Variants in SRRM5 observed in about 807,000 individuals in gnomAD.
The protein encoded by SRRM5 is serine/arginine repetitive matrix protein 5.
A neutral mutation model predicts 1.3 loss-of-function variants in SRRM5; 1 was observed. The ratio of observed to expected loss-of-function variants is 0.76; its 90% CI spans 0.27 to 3.59. The LOEUF (loss-of-function observed/expected upper bound fraction) is 3.59, where lower values mean the gene tolerates loss of function less well. SRRM5 is among the 30% of genes most tolerant of loss of function. The pLI, the probability that SRRM5 is intolerant of heterozygous loss-of-function variation, is 0.19. For missense variants in SRRM5, 875 were observed against 914.5 expected (o/e 0.96, Z 0.56); for synonymous variants, 275 against 320.2 (o/e 0.86, Z 1.51).
Position 43,613,530 on chromosome 19 carries a change from C to T in SRRM5, c.1409C>T (p.Ala470Val), listed in dbSNP as rs138622320. 1,903 of 1,548,900 alleles carry T rather than the reference C, an allele frequency of 1.2e-3. 20 individuals carry two copies. In the East Asian group the frequency reaches 0.024, roughly 19 times the overall value. Residue 470 changes from alanine (A) to valine (V), a missense_variant, in exon 1 of 1, where the codon GCG (alanine) becomes GTG (valine). Coordinates refer to ENST00000417606, the MANE Select transcript of SRRM5 (RefSeq NM_001145641.2). Reference protein sequence around the residue: ...DHSRSRSPNKARDRSRSRSPS... With the variant: ...DHSRSRSPNKVRDRSRSRSPS... ...AGCCGATCTAGAAGTCCCAACAAGG[C>T]GAGAGATCGCAGCCGATCTAGAAGC...
At position 43,614,094 on chromosome 19, in the gene SRRM5, G is replaced by C; in HGVS notation, c.1973G>C (p.Arg658Thr). 1 of 1,574,650 alleles carries C rather than the reference G, an allele frequency of 6.4e-7. No individual in the cohort carries two copies. Among genetic ancestry groups the C allele is most frequent in the Non-Finnish European group, 8.6e-7 (1 of 1,160,198 alleles). ...CCCGACTGGAAGAGATCCCCTACTA[G>C]GACAAGCAGTCTCAGTCAGAATAGA... ...RSPDWKRSPT[R>T]TSSLSQNRTP... Residue 658 changes from arginine (R) to threonine (T), a missense_variant, in exon 1 of 1, where the codon AGG (arginine) becomes ACG (threonine). By Grantham distance (71) the Arg-to-Thr change is moderately conservative. Transcript: ENST00000417606.
Position 43,613,501 on chromosome 19 carries a change from T to TCG in SRRM5, c.1381_1382insGC (p.His461ArgfsTer227). 1.3e-6 allele frequency: 2 copies of TCG among 1,545,742 alleles called. No individual in the cohort carries two copies. The highest frequency in any genetic ancestry group is 1.7e-6 in the Non-Finnish European group (2 of 1,146,532). The stretch of plus-strand genomic sequence containing the variant: ...CTAGAAGTCCCAACAAGGCAAGAGA[T>TCG]CATAGCCGATCTAGAAGTCCCAACA... On this transcript the variant is annotated frameshift_variant, in exon 3 of 3. Transcript: ENST00000607544. LOFTEE classifies it low-confidence loss of function (END_TRUNC).
rs1973339600 is a variant in SRRM5 at position 43,613,813 on chromosome 19, CAA to C, written c.1694_1695del (p.Lys565ArgfsTer20). ...AGCACAGACAATCCAGAAGCCCCAG[CAA>C]AGAGAGAGATCGCAGACGATGGAGA... On this transcript the variant is annotated frameshift_variant, in exon 3 of 3. Transcript: ENST00000607544. LOFTEE classifies it low-confidence loss of function (END_TRUNC). 6.5e-7 allele frequency: 1 copy of C among 1,549,274 alleles called. No homozygotes were observed. The highest frequency in any genetic ancestry group is 1.2e-5 in the South Asian group (1 of 83,970).
chr19:43,612,662 A>G lies in SRRM5; in HGVS notation c.541A>G (p.Arg181Gly), dbSNP rs1164655127. 1 of 1,551,342 alleles carries G rather than the reference A, an allele frequency of 6.4e-7. No individual in the cohort carries two copies. Among genetic ancestry groups the G allele is most frequent in the Non-Finnish European group, 8.7e-7 (1 of 1,146,978 alleles). Residue 181 changes from arginine (R) to glycine (G), a missense_variant, in exon 1 of 1, where the codon AGG becomes GGG. Coordinates refer to ENST00000417606, the MANE Select transcript of SRRM5 (RefSeq NM_001145641.2). The surrounding 1 kb of genome is among the most constrained non-coding windows in gnomAD (Gnocchi z 4.2). Reference sequence around the variant, plus strand: ...TTACGGCCGGCCTAGAACCAGCAACAGGGAAAGGAGTGACAGCCAGCCTAG... The same window carrying G: ...TTACGGCCGGCCTAGAACCAGCAACGGGGAAAGGAGTGACAGCCAGCCTAG... ...KSYGRPRTSNRERSDSQPRNL... is the reference protein window; with the variant it reads ...KSYGRPRTSNGERSDSQPRNL...
In SRRM5 at chr19:43,612,789, C is replaced by CCCCAGTACAGCCAAG; in HGVS notation, c.668_669insCCCAGTACAGCCAAG (p.Thr223_Gly224insProValGlnProSer). ...AGTACAGCCAAGTGTCAAACCCCGACTGGAATTCCCTCCAAGGAGAAGAGT... is the reference window on the plus strand; with the variant it reads ...AGTACAGCCAAGTGTCAAACCCCGACCCCAGTACAGCCAAGTGGAATTCCCTCCAAGGAGAAGAGT... On this transcript the variant is annotated inframe_insertion, in exon 1 of 1. Coordinates refer to ENST00000417606, the MANE Select transcript of SRRM5 (RefSeq NM_001145641.2). The surrounding 1 kb of genome is among the most constrained non-coding windows in gnomAD (Gnocchi z 4.2). The CCCCAGTACAGCCAAG allele has an allele frequency of 7.1e-6, 11 of 1,551,640 alleles. No individual in the cohort carries two copies. The highest frequency in any genetic ancestry group is 9.6e-6 in the Non-Finnish European group (11 of 1,146,984).
chr19:43,613,763 T>A lies in SRRM5; in HGVS notation c.1642T>A (p.Ser548Thr). Residue 548 changes from serine (S) to threonine (T), a missense_variant, in exon 1 of 1, where the codon TCT (serine) becomes ACT (threonine). Coordinates refer to ENST00000417606, the MANE Select transcript of SRRM5 (RefSeq NM_001145641.2). ...CAACAAGGAGAGAGATCGCAGCCAA[T>A]CTAGAAGCCCCAGCGAGGAGAGAGA... ...SPNKERDRSQ[S>T]RSPSEEREHR... The A allele has an allele frequency of 6.4e-7, 1 of 1,551,152 alleles. No individual in the cohort carries two copies. The highest frequency in any genetic ancestry group is 8.7e-7 in the Non-Finnish European group (1 of 1,146,848).
Position 43,613,260 on chromosome 19 carries a change from C to T in SRRM5, c.1139C>T (p.Ser380Phe). Residue 380 changes from serine (S) to phenylalanine (F), a missense_variant, in exon 1 of 1, where the codon TCT becomes TTT. Ser to Phe is a radical substitution (Grantham distance 155). Coordinates refer to ENST00000417606, the MANE Select transcript of SRRM5 (RefSeq NM_001145641.2). ...SSSKERDHRGSSSPRKESGRS... is the reference protein window; with the variant it reads ...SSSKERDHRGFSSPRKESGRS... ...AGCAAAGAGAGAGATCACAGGGGAT[C>T]TAGCAGCCCCAGGAAGGAGAGTGGT... 1 of 1,551,596 alleles carries T rather than the reference C, an allele frequency of 6.4e-7. No individual in the cohort carries two copies. Among genetic ancestry groups the T allele is most frequent in the African/African-American group, 1.4e-5 (1 of 73,130 alleles).
At position 43,613,091 on chromosome 19, in the gene SRRM5, A is replaced by T. The variant is rs1190908027; in HGVS notation, c.970A>T (p.Ser324Cys). 6.4e-6 allele frequency: 10 copies of T among 1,551,474 alleles called. No individual in the cohort carries two copies. The African/African-American group carries it at 1.4e-4, about 21-fold the overall frequency. Residue 324 changes from serine (S) to cysteine (C), a missense_variant, in exon 1 of 1, where the codon AGC (serine) becomes TGC (cysteine). Coordinates refer to ENST00000417606, the MANE Select transcript of SRRM5 (RefSeq NM_001145641.2). ...ARSRTRKGIL[S>C]QMGRHSQSRS... ...AAGTCGCACCCGGAAGGGAATTCTG[A>T]GCCAGATGGGAAGACACAGCCAGTC...
Position 43,613,350 on chromosome 19 carries a change from C to T in SRRM5, c.1229C>T (p.Ala410Val), listed in dbSNP as rs988264710. The change falls in exon 1 of 1, where the codon GCG (alanine) becomes GTG (valine). Residue 410 changes from alanine (A) to valine (V), a missense_variant. Coordinates refer to ENST00000417606, the MANE Select transcript of SRRM5 (RefSeq NM_001145641.2). ...AGCCGATCTAGAAGTCCCAACAAGG[C>T]GAGAGATCGCAGCCGATCTAGAAGT... Reference protein sequence around the residue: ...DHSRSRSPNKARDRSRSRSPY... With the variant: ...DHSRSRSPNKVRDRSRSRSPY... 13 of 1,548,074 alleles carry T rather than the reference C, an allele frequency of 8.4e-6. No homozygotes were observed. The highest frequency in any genetic ancestry group is 1.1e-5 in the Non-Finnish European group (13 of 1,146,094).
In SRRM5 at chr19:43,614,283, C is replaced by A; in HGVS notation, c.*14C>A. On this transcript the variant is annotated 3_prime_UTR_variant, in exon 1 of 1. Transcript: ENST00000417606. ...AAGCTGGCGTAGCCCCCAGTCTCAG[C>A]TGGCTCACGGGTCTCTGTCATGACC... 6.2e-7 allele frequency: 1 copy of A among 1,611,690 alleles called. No individual in the cohort carries two copies. Among genetic ancestry groups the A allele is most frequent in the Non-Finnish European group, 8.5e-7 (1 of 1,178,582 alleles).
Position 43,612,651 on chromosome 19 carries a change from G to C in SRRM5, c.530G>C (p.Arg177Thr). Residue 177 changes from arginine (R) to threonine (T), a missense_variant, in exon 1 of 1, where the codon AGA becomes ACA. Arg to Thr is a moderately conservative substitution (Grantham distance 71). Coordinates refer to ENST00000417606, the MANE Select transcript of SRRM5 (RefSeq NM_001145641.2). This position sits in a 1 kb window ranked among gnomAD's most constrained non-coding sequence, Gnocchi z 4.2. ...GSRGKSYGRP[R>T]TSNRERSDSQ... ...CGGGGAAAGAGTTACGGCCGGCCTA[G>C]AACCAGCAACAGGGAAAGGAGTGAC... The C allele has an allele frequency of 1.3e-6, 2 of 1,551,450 alleles. No individual in the cohort carries two copies. The highest frequency in any genetic ancestry group is 1.7e-6 in the Non-Finnish European group (2 of 1,146,966).
At position 43,614,434 on chromosome 19, in the gene SRRM5, G is replaced by A; in HGVS notation, c.*165G>A. The A allele has an allele frequency of 6.9e-7, 1 of 1,451,072 alleles. No homozygotes were observed. The highest frequency in any genetic ancestry group is 1.5e-5 in the South Asian group (1 of 68,296). 89.9% of individuals were successfully genotyped at this position (1,451,072 alleles called of 1,614,324 possible). On this transcript the variant is annotated 3_prime_UTR_variant, in exon 1 of 1. Transcript: ENST00000417606. ...AGGATGTTGGCAGGTAGAGAGGGAT[G>A]CTGGATAGGGGGAAAGGAAAGACCT...
rs1313035380 is a variant in SRRM5, at chr19:43,613,319, G to A, written c.1198G>A (p.Asp400Asn). ...SQSGSPNKQR[D>N]HSRSRSPNKA... ...ATCAGGAAGCCCCAACAAGCAGAGA[G>A]ATCACAGCCGATCTAGAAGTCCCAA... The change falls in exon 1 of 1, where the codon GAT (aspartate) becomes AAT (asparagine). Residue 400 changes from aspartate to asparagine, a missense_variant. Transcript: ENST00000417606. 7 of 1,551,392 alleles carry A rather than the reference G, an allele frequency of 4.5e-6. No individual in the cohort carries two copies. Among genetic ancestry groups the A allele is most frequent in the Non-Finnish European group, 6.1e-6 (7 of 1,146,978 alleles).
chr19:43,613,813 C>G lies in SRRM5; in HGVS notation c.1692C>G (p.Ser564Arg). 1 of 1,549,274 alleles carries G rather than the reference C, an allele frequency of 6.5e-7. No homozygotes were observed. Among genetic ancestry groups the G allele is most frequent in the Non-Finnish European group, 8.7e-7 (1 of 1,145,188 alleles). Residue 564 changes from serine to arginine, a missense_variant, in exon 1 of 1, where the codon AGC becomes AGG. Ser to Arg is a moderately radical substitution (Grantham distance 110, BLOSUM62 -1). Transcript: ENST00000417606. ...EREHRQSRSP[S>R]KERDRRRWRS... ...AGCACAGACAATCCAGAAGCCCCAGCAAAGAGAGAGATCGCAGACGATGGA... is the reference window on the plus strand; with the variant it reads ...AGCACAGACAATCCAGAAGCCCCAGGAAAGAGAGAGATCGCAGACGATGGA...
Position 43,613,324 on chromosome 19 carries a change from C to A in SRRM5, c.1203C>A (p.His401Gln), listed in dbSNP as rs1973325572. ...QSGSPNKQRD[H>Q]SRSRSPNKAR... ...GAAGCCCCAACAAGCAGAGAGATCACAGCCGATCTAGAAGTCCCAACAAGG... is the reference window on the plus strand; with the variant it reads ...GAAGCCCCAACAAGCAGAGAGATCAAAGCCGATCTAGAAGTCCCAACAAGG... Residue 401 changes from histidine (H) to glutamine (Q), a missense_variant, in exon 1 of 1, where the codon CAC (histidine) becomes CAA (glutamine). Transcript: ENST00000417606. The A allele has an allele frequency of 1.3e-6, 2 of 1,551,210 alleles. No individual in the cohort carries two copies. Among genetic ancestry groups the A allele is most frequent in the Non-Finnish European group, 8.7e-7 (1 of 1,146,908 alleles).
rs1033262149 is a variant in SRRM5, at chr19:43,613,422, C to T, written c.1301C>T (p.Ala434Val). The change falls in exon 1 of 1, where the codon GCG (alanine) becomes GTG (valine). Residue 434 changes from alanine to valine, a missense_variant. By Grantham distance (64) the Ala-to-Val change is moderately conservative (BLOSUM62 0). Transcript: ENST00000417606. ...AGCCGATCTAGAAGTCCCAACAAGG[C>T]GAGAGATTGCAGCCGATCTAGAAGT... The part of the protein sequence containing the change: ...DRSRSRSPNK[A>V]RDCSRSRSPY... 7.2e-6 allele frequency: 11 copies of T among 1,523,090 alleles called. No individual in the cohort carries two copies. The highest frequency in any genetic ancestry group is 2.4e-5 in the South Asian group (2 of 82,652). 94.3% of individuals were successfully genotyped at this position (1,523,090 alleles called of 1,614,324 possible).
In SRRM5 at chr19:43,613,634, A is replaced by G. The variant is rs374967514; in HGVS notation, c.1513A>G (p.Lys505Glu). ...RDHRRSRSPS[K>E]ERQCRQSRSS... is the part of the protein sequence containing the mutation. ...TCACAGACGATCTAGAAGCCCCAGC[A>G]AGGAGAGACAGTGCAGACAATCTAG... Residue 505 changes from lysine to glutamate, a missense_variant, in exon 1 of 1, where the codon AAG (lysine) becomes GAG (glutamate). Lys to Glu is a moderately conservative substitution (Grantham distance 56). Transcript: ENST00000417606. The G allele has an allele frequency of 7.7e-6, 12 of 1,548,744 alleles. No homozygotes were observed. The East Asian group carries it at 2.0e-4, about 25-fold the overall frequency.
chr19:43,613,901 A>C lies in SRRM5; in HGVS notation c.1780A>C (p.Ser594Arg), dbSNP rs2146120205. The change falls in exon 1 of 1, where the codon AGC (serine) becomes CGC (arginine). Residue 594 changes from serine (S) to arginine (R), a missense_variant. Coordinates refer to ENST00000417606, the MANE Select transcript of SRRM5 (RefSeq NM_001145641.2). Reference sequence around the variant, plus strand: ...AAGCTCCAGCGAGGAGAGAGATCACAGCCGATCTAGAAGCCCCAATAAGCA... The same window carrying C: ...AAGCTCCAGCGAGGAGAGAGATCACCGCCGATCTAGAAGCCCCAATAAGCA... ...SRSSSEERDH[S>R]RSRSPNKQSG... The C allele has an allele frequency of 6.4e-7, 1 of 1,551,722 alleles. No homozygotes were observed. The highest frequency in any genetic ancestry group is 8.7e-7 in the Non-Finnish European group (1 of 1,146,994).
rs947761213 is a variant in SRRM5 at position 43,613,559 on chromosome 19, A to G, written c.1438A>G (p.Ser480Gly). The G allele has an allele frequency of 1.3e-6, 2 of 1,551,320 alleles. No homozygotes were observed. Among genetic ancestry groups the G allele is most frequent in the Admixed American group, 3.9e-5 (2 of 51,000 alleles). Residue 480 changes from serine to glycine, a missense_variant, in exon 1 of 1, where the codon AGC becomes GGC. Ser to Gly is a moderately conservative substitution (Grantham distance 56). Coordinates refer to ENST00000417606, the MANE Select transcript of SRRM5 (RefSeq NM_001145641.2). ...ARDRSRSRSPSKERDHSQLGS... is the reference protein window; with the variant it reads ...ARDRSRSRSPGKERDHSQLGS... ...AGATCGCAGCCGATCTAGAAGCCCC[A>G]GCAAGGAAAGAGATCACAGCCAACT... is the stretch of plus-strand genomic sequence containing the variant.
Sources: gnomAD v4.1 joint callset for allele counts on GRCh38, gnomAD v4.1.1 for gene constraint, Gnocchi (gnomAD v3.1) non-coding constraint, MANE v1.5 for transcripts, NCBI Gene and HGNC (gene_info 2026-07-23, HGNC 2026-07-21) for gene names.